Variants in PDE11A observed in about 807,000 individuals in gnomAD.
PDE11A encodes the protein dual 3',5'-cyclic-AMP and -GMP phosphodiesterase 11A.
PDE11A carries 100 observed loss-of-function variants against 100.5 expected under a neutral mutation model. The ratio of observed to expected loss-of-function variants is 1.00; its 90% confidence interval spans 0.85 to 1.18. The LOEUF is 1.18. PDE11A is among the 50% of genes most tolerant of loss of function. The pLI is 0.00. For synonymous variants in PDE11A, 381 were observed against 420.8 expected, an observed-to-expected ratio of 0.91 and a Z score of 1.16; for missense variants, 1,141 against 1,152.6, an observed-to-expected ratio of 0.99 and a Z score of 0.15.
At chr2:177,793,757 T>A (rs1033199853) in intron 9 of PDE11A, among the ~76,000 whole-genome samples, 4 of 152,056 alleles carry the variant, frequency 2.6e-5, no homozygotes, top group Non-Finnish European at 5.9e-5. Context: ...GCTCCATCGC[T>A]CACACTGCGG....
chr2:178,051,285 C>A (rs375225166), intron 1 of PDE11A, among the ~76,000 whole-genome samples: 3 of 152,124 alleles, frequency 2.0e-5, no homozygotes, highest in South Asian at 2.1e-4. Context: ...GAAATAAAAT[C>A]CTTTACAGAC....
chr2:178,107,052 C>A (rs938050089), intron 1 of PDE11A, among the ~76,000 whole-genome samples: 6 of 144,856 alleles, frequency 4.1e-5, no homozygotes, highest in African/African-American at 1.5e-4. Context: ...CATTTAAAAA[C>A]AAACAAAAAA....
chr2:177,920,363 G>C (rs906058560), intron 2 of PDE11A, among the ~76,000 whole-genome samples: 9 of 151,586 alleles, frequency 5.9e-5, no homozygotes, highest in African/African-American at 2.2e-4. Flanking sequence ...ATGGTCAAAA[G>C]ATATAAACAG....
At chr2:177,823,432 C>G (rs372888791) in intron 6 of PDE11A, among the ~76,000 whole-genome samples, 4 of 152,178 alleles carry the variant, frequency 2.6e-5, no homozygotes, top group Non-Finnish European at 5.9e-5. Context: ...TGATGATAAG[C>G]TCACATTTGC....
rs372973034 is a variant in PDE11A at position 178,001,652 on chromosome 2, T to A, written c.1071+12650A>T. Among the ~76,000 whole-genome samples the A allele has an allele frequency of 6.7e-4, 102 of 152,328 alleles. 2 individuals are homozygous for A. Among genetic ancestry groups the A allele is most frequent in the African/African-American group, 2.2e-3 (93 of 41,582 alleles). On this transcript the variant is annotated intron_variant, in intron 2 of 19. Transcript: ENST00000286063. Reference sequence around the variant, plus strand: ...TCTAGTAAGTTCCAAACTTGTTTCCTTAGAGATAAGCCCTGAAGTTGTTTA... The same window carrying A: ...TCTAGTAAGTTCCAAACTTGTTTCCATAGAGATAAGCCCTGAAGTTGTTTA...
At chr2:177,740,866 T>C (rs1462736697) in intron 10 of PDE11A, among the ~76,000 whole-genome samples, 1 of 152,250 alleles carries the variant, frequency 6.6e-6, no homozygotes, top group African/African-American at 2.4e-5. Context: ...ACTTTTCTCA[T>C]GGCAAGTAAT....
At position 177,979,447 on chromosome 2, in the gene PDE11A, A is replaced by T. The variant is rs76767531; in HGVS notation, c.1071+34855T>A. Among the ~76,000 whole-genome samples the T allele has an allele frequency of 1.0e-2, 1,497 of 150,178 alleles. 40 individuals carry two copies. The highest frequency in any genetic ancestry group is 0.034 in the African/African-American group (1,423 of 41,322). On this transcript the variant is annotated intron_variant, in intron 2 of 19. Transcript: ENST00000286063. ...ATAAATGCTGTCTTGTGAGTTGCCT[A>T]AGGCCTTGGTGGTTTGTCTATATAG...
Position 177,871,561 on chromosome 2 carries a change from T to TATC in PDE11A, c.1367+4297_1367+4298insGAT, listed in dbSNP as rs1468333279. Among the ~76,000 whole-genome samples the TATC allele has an allele frequency of 1.4e-3, 186 of 130,374 alleles. 2 individuals are homozygous for TATC. Among genetic ancestry groups the TATC allele is most frequent in the Non-Finnish European group, 1.7e-3 (105 of 61,460 alleles). The allele number at this position is 130,374 out of a possible 152,430, so 85.5% of individuals were successfully genotyped here. A position where few individuals can be genotyped will look rare whatever the true frequency, so the allele number is the denominator to read the frequency against. On this transcript the variant is annotated intron_variant, in intron 5 of 19. Coordinates refer to ENST00000286063, the MANE Select transcript of PDE11A (RefSeq NM_016953.4). ...TTATTATTATTATTATTATTATTAT[T>TATC]ATTATTATTATTTTAAATCTTAGGC...
At chr2:177,723,604 T>C (rs1241103504) in intron 12 of PDE11A, among the ~76,000 whole-genome samples, 1 of 152,178 alleles carries the variant, frequency 6.6e-6, no homozygotes, top group African/African-American at 2.4e-5. Context: ...CACCATTTTA[T>C]AGCTTTTTTT....
intron 1 of PDE11A, among the ~76,000 whole-genome samples, chr2:178,107,548 G>A (rs909899419): frequency 4.6e-5 from 7 of 151,406 alleles, no homozygotes; most frequent in African/African-American, 1.7e-4. Flanking sequence ...AACTCATTTA[G>A]TTCTCACAAC....
chr2:178,052,023 TC>T (rs1374127022), intron 1 of PDE11A, among the ~76,000 whole-genome samples: 6 of 152,010 alleles, frequency 3.9e-5, no homozygotes, highest in Non-Finnish European at 8.8e-5. Flanking sequence ...CTAATAGACA[TC>T]TACAGAACTC....
chr2:177,747,650 C>T (rs2081970354), intron 10 of PDE11A, among the ~76,000 whole-genome samples: 1 of 152,200 alleles, frequency 6.6e-6, no homozygotes, highest in South Asian at 2.1e-4. Flanking sequence ...CTTCCATCCC[C>T]ACCCAGGATC....
intron 19 of PDE11A, among the ~76,000 whole-genome samples, chr2:177,633,093 T>A (rs1372402602): frequency 6.6e-6 from 1 of 152,248 alleles, no homozygotes; most frequent in Non-Finnish European, 1.5e-5. Context: ...GATTTCCCAC[T>A]TTATGCTTTG....
At chr2:177,832,063 G>A (rs1321019952) in intron 6 of PDE11A, among the ~76,000 whole-genome samples, 3 of 152,196 alleles carry the variant, frequency 2.0e-5, no homozygotes, top group East Asian at 3.9e-4. Flanking sequence ...TGATGGTCAG[G>A]TGGTTGTTAA....
chr2:177,954,819 G>T (rs552727802), intron 2 of PDE11A, among the ~76,000 whole-genome samples: 42 of 152,270 alleles, frequency 2.8e-4, no homozygotes, highest in Admixed American at 7.9e-4. Flanking sequence ...TGATTCAATT[G>T]GTCTGGGGTG....
chr2:177,788,290 T>C (rs1431316390), intron 9 of PDE11A, among the ~76,000 whole-genome samples: 1 of 144,306 alleles, frequency 6.9e-6, no homozygotes, highest in Non-Finnish European at 1.5e-5. Flanking sequence ...GAATGACTAC[T>C]GGGTACGTAA....
In PDE11A at chr2:177,999,014, C is replaced by T. The variant is rs80329168; in HGVS notation, c.1071+15288G>A. On this transcript the variant is annotated intron_variant, in intron 2 of 19. Transcript: ENST00000286063. ...AGTCTCATAGAGACAATAATTTCTG[C>T]CACCCTGTTTCAGAGGTTAAAAGAA... Among the ~76,000 whole-genome samples, 933 of 152,280 alleles carry T rather than the reference C, an allele frequency of 6.1e-3. 7 individuals are homozygous for T. Among genetic ancestry groups the T allele is most frequent in the Middle Eastern group, 0.027 (8 of 294 alleles).
At chr2:177,690,823 C>T (rs1337222057) in intron 15 of PDE11A, among the ~76,000 whole-genome samples, 1 of 152,212 alleles carries the variant, frequency 6.6e-6, no homozygotes, top group Non-Finnish European at 1.5e-5. Context: ...AAATTATTTG[C>T]TTAAATCATG....
At chr2:177,871,524 AAATTATTATT>A (rs1558983845) in intron 5 of PDE11A, among the ~76,000 whole-genome samples, 10 of 134,218 alleles carry the variant, frequency 7.5e-5, no homozygotes, top group African/African-American at 2.7e-4. Context: ...AGTCAGTAGT[AAATTATTATT>A]ATTATTATTA....
Sources: allele counts gnomAD v4.1 joint callset (sites outside exome capture counted in the v4.1 genomes callset), GRCh38; gene constraint gnomAD v4.1.1; transcripts MANE v1.5; gene names NCBI Gene and HGNC (gene_info 2026-07-23, HGNC 2026-07-21).